Variants in RBM27 observed in about 807,000 individuals in gnomAD.
RBM27 encodes RNA-binding protein 27.
RBM27 carries 22 observed loss-of-function variants against 135.3 expected under a neutral mutation model. The ratio of observed to expected loss-of-function variants is 0.16; its 90% CI spans 0.12 to 0.23. RBM27 has a LOEUF of 0.23. Ranked by LOEUF, RBM27 falls within the 10% of genes least tolerant of loss-of-function variation. RBM27 has a pLI of 1.00. For synonymous variants in RBM27, 481 were observed against 442.4 expected (o/e 1.09, Z -1.10); for missense variants, 1,009 against 1,281.0 (o/e 0.79, Z 3.24).
chr5:146,229,367 A>G (rs1756823271), intron 4 of RBM27, among the ~76,000 whole-genome samples: 1 of 152,130 alleles, frequency 6.6e-6, no homozygotes, highest in South Asian at 2.1e-4. Context: ...AAGTAGTACA[A>G]CTTGTATATT....
At chr5:146,253,554 A>G (rs901749953) in intron 9 of RBM27, among the ~76,000 whole-genome samples, 8 of 152,096 alleles carry the variant, frequency 5.3e-5, no homozygotes, top group African/African-American at 1.9e-4. Context: ...TGTTTTCAAA[A>G]CCTGAAAAAA....
intron 3 of RBM27, among the ~76,000 whole-genome samples, chr5:146,224,597 G>T (rs991886255): frequency 6.6e-6 from 1 of 151,904 alleles, no homozygotes; most frequent in African/African-American, 2.4e-5. Context: ...CAGGAGAATC[G>T]CTTGAACCCG....
At chr5:146,261,830 A>G (rs749836823) in intron 13 of RBM27, 24 bp downstream of exon 13, 1 of 1,612,914 alleles carries the variant, frequency 6.2e-7, no homozygotes, top group South Asian at 1.1e-5. Flanking sequence ...CTGGGAATTA[A>G]AGGTCTTTTA....
chr5:146,223,493 C>A lies in RBM27; in HGVS notation c.269C>A (p.Pro90Gln). The change falls in exon 3 of 21, where the codon CCA (proline) becomes CAA (glutamine). Residue 90 changes from proline (P) to glutamine (Q), a missense_variant. Physicochemically the swap from Pro to Gln is moderately conservative, Grantham distance 76 (BLOSUM62 -1). Around this residue, in one of 6 missense-constraint regions of RBM27, gnomAD observed 268 missense variants for 326.6 expected, o/e 0.82. Coordinates refer to ENST00000265271, the MANE Select transcript of RBM27 (RefSeq NM_018989.2). ...LLEPVKPEPKPLVQEKEEIKE... is the reference protein window; with the variant it reads ...LLEPVKPEPKQLVQEKEEIKE... ...GAACCAGTAAAGCCTGAGCCAAAAC[C>A]ACTAGTCCAAGAAAAAGAAGAAATT... 6.2e-7 allele frequency: 1 copy of A among 1,607,836 alleles called. No homozygotes were observed. The highest frequency in any genetic ancestry group is 1.1e-5 in the South Asian group (1 of 89,966).
chr5:146,203,968 A>T, intron 1 of RBM27, 144 bp downstream of exon 1: 1 of 762,678 alleles, frequency 1.3e-6, no homozygotes. Flanking sequence ...TAGTACTATC[A>T]CCATTGTGGT....
intron 8 of RBM27, among the ~76,000 whole-genome samples, chr5:146,238,130 A>G (rs1447285517): frequency 6.6e-6 from 1 of 152,250 alleles, no homozygotes; most frequent in Non-Finnish European, 1.5e-5. Context: ...ATTAACTTGC[A>G]TACTGAAATA....
At chr5:146,271,166 C>T (rs1052748462) in intron 18 of RBM27, 108 bp downstream of exon 18, 23 of 748,086 alleles carry the variant, frequency 3.1e-5, no homozygotes, top group African/African-American at 1.3e-4. Flanking sequence ...TTTGGGAGGC[C>T]GAGGCGGGTG....
chr5:146,237,635 A>G (rs1757227707), intron 8 of RBM27, among the ~76,000 whole-genome samples: 1 of 152,214 alleles, frequency 6.6e-6, no homozygotes, highest in Non-Finnish European at 1.5e-5. Flanking sequence ...GAGAAAGGCA[A>G]GGCTTTCTGT....
At chr5:146,234,638 G>A (rs796906315) in intron 7 of RBM27, among the ~76,000 whole-genome samples, 14 of 152,138 alleles carry the variant, frequency 9.2e-5, no homozygotes, top group African/African-American at 3.4e-4. Flanking sequence ...ATAGAAGTAA[G>A]ACTAAATTTT....
chr5:146,267,707 C>T lies in RBM27; in HGVS notation c.2390C>T (p.Pro797Leu), dbSNP rs763687817. 1.1e-5 allele frequency: 17 copies of T among 1,607,896 alleles called. No individual in the cohort carries two copies. Among genetic ancestry groups the T allele is most frequent in the Non-Finnish European group, 1.4e-5 (16 of 1,176,512 alleles). ...TACAGCTCCTCAAACTTAAAGACAC[C>T]TTCAAAGCTCTGTTCAGGGTCTAAA... is the stretch of plus-strand genomic sequence containing the variant. ...MIYSSSNLKT[P>L]SKLCSGSKSH... The change falls in exon 15 of 21, where the codon CCT becomes CTT. Residue 797 changes from proline (P) to leucine (L), a missense_variant. By Grantham distance (98) the Pro-to-Leu change is moderately conservative. Around this residue, in one of 6 missense-constraint regions of RBM27, gnomAD observed 355 missense variants for 427.3 expected, o/e 0.83. Coordinates refer to ENST00000265271, the MANE Select transcript of RBM27 (RefSeq NM_018989.2).
At chr5:146,227,696 G>A (rs778015978) in intron 3 of RBM27, among the ~76,000 whole-genome samples, 141 of 152,210 alleles carry the variant, frequency 9.3e-4, no homozygotes, top group Admixed American at 6.5e-5. Context: ...CTGAGATAGC[G>A]CCACTGCACT....
intron 17 of RBM27, among the ~76,000 whole-genome samples, 158 bp downstream of exon 17, chr5:146,269,742 CTTTTTTTTTTTTT>C (rs34783557): frequency 8.4e-6 from 1 of 118,936 alleles, no homozygotes; most frequent in East Asian, 2.3e-4. Flanking sequence ...ATTATAGTAC[CTTTTTTTTTTTTT>C]TTTTTTTTTT....
At chr5:146,259,504 C>CAA (rs35438348) in intron 11 of RBM27, among the ~76,000 whole-genome samples, 64 of 61,196 alleles carry the variant, frequency 1.0e-3, no homozygotes, top group Middle Eastern at 0.012. Context: ...AACTCTGTCT[C>CAA]AAAAAAAAAA....
chr5:146,235,783 C>G (rs571753235), intron 7 of RBM27, among the ~76,000 whole-genome samples: 2 of 152,008 alleles, frequency 1.3e-5, no homozygotes, highest in East Asian at 3.9e-4. Flanking sequence ...GCCTCCCAGG[C>G]TTGAAGGGAT....
At chr5:146,280,466 C>T (rs369149655) in intron 19 of RBM27, among the ~76,000 whole-genome samples, 1 of 152,184 alleles carries the variant, frequency 6.6e-6, no homozygotes, top group African/African-American at 2.4e-5. Context: ...AAGGCAAACA[C>T]CTAATATACC....
intron 15 of RBM27, among the ~76,000 whole-genome samples, chr5:146,267,999 G>T (rs569863172): frequency 1.4e-4 from 22 of 151,874 alleles, no homozygotes; most frequent in Middle Eastern, 3.4e-3. Context: ...TCCAATTCTA[G>T]TGTTTATTTT....
At position 146,233,680 on chromosome 5, in the gene RBM27, A is replaced by G. The variant is rs145407605; in HGVS notation, c.1081A>G (p.Met361Val). Residue 361 changes from methionine (M) to valine (V), a missense_variant, in exon 7 of 21, where the codon ATG becomes GTG. Met to Val is a conservative substitution (Grantham distance 21, BLOSUM62 1). Around this residue, in one of 6 missense-constraint regions of RBM27, gnomAD observed 329 missense variants for 368.1 expected, o/e 0.89. Coordinates refer to ENST00000265271, the MANE Select transcript of RBM27 (RefSeq NM_018989.2). ...CCCAGGTCCAGGTCCTGGCCATAGTATGAGACTTCCTGTTCCCCAAGGACA... is the reference window on the plus strand; with the variant it reads ...CCCAGGTCCAGGTCCTGGCCATAGTGTGAGACTTCCTGTTCCCCAAGGACA... ...PGPGPGPGHS[M>V]RLPVPQGHGQ... 3.3e-6 allele frequency: 5 copies of G among 1,523,834 alleles called. No individual in the cohort carries two copies. The African/African-American group carries it at 5.6e-5, about 17-fold the overall frequency. 94.4% of individuals were successfully genotyped at this position (1,523,834 alleles called of 1,614,324 possible).
At position 146,261,654 on chromosome 5, in the gene RBM27, A is replaced by G. The variant is rs745549026; in HGVS notation, c.2038A>G (p.Thr680Ala). 6.2e-7 allele frequency: 1 copy of G among 1,614,194 alleles called. No individual in the cohort carries two copies. Among genetic ancestry groups the G allele is most frequent in the Non-Finnish European group, 8.5e-7 (1 of 1,180,028 alleles). The change falls in exon 13 of 21, where the codon ACA becomes GCA. Residue 680 changes from threonine (T) to alanine (A), a missense_variant. Thr to Ala is a moderately conservative substitution (Grantham distance 58). This residue lies in a region of RBM27 where 355 missense variants were observed against 427.3 expected (regional missense o/e 0.83). Transcript: ENST00000265271. ...GCATAGGGAAAATAATGAGCAACCG[A>G]CACTACAGTCCTCAGCACAGCTGCT... ...LWHRENNEQP[T>A]LQSSAQLLLQ...
chr5:146,249,003 G>T (rs958571997), intron 8 of RBM27, among the ~76,000 whole-genome samples: 6 of 151,532 alleles, frequency 4.0e-5, no homozygotes, highest in Admixed American at 6.6e-5. Context: ...TTCTTTTAAA[G>T]ACAGCATCTC....
Sources: gnomAD v4.1 joint callset for allele counts (sites outside exome capture counted in the v4.1 genomes callset) on GRCh38, gnomAD v4.1.1 for gene constraint, gnomAD v4.1.1 regional missense constraint, MANE v1.5 for transcripts, NCBI Gene and HGNC (gene_info 2026-07-23, HGNC 2026-07-21) for gene names.